Variants in FHOD3 observed in about 807,000 individuals in gnomAD.
FHOD3 encodes formin homology 2 domain containing 3, also known as FH1/FH2 domain-containing protein 3.
In FHOD3, 90 loss-of-function variants were observed where a neutral mutation model predicts 173.0. The ratio of observed to expected loss-of-function variants is 0.52; its 90% confidence interval spans 0.44 to 0.62. The LOEUF (loss-of-function observed/expected upper bound fraction) is 0.62. Among genes scored for constraint, FHOD3 ranks in the 20% least tolerant of loss-of-function variants. The pLI is 0.00. For synonymous variants in FHOD3, 828 were observed against 823.0 expected (o/e 1.01, Z -0.10); for missense variants, 1,945 against 2,034.7 (o/e 0.96, Z 0.85).
intron 3 of FHOD3, among the ~76,000 whole-genome samples, chr18:36,464,956 A>T (rs1195301722): frequency 6.6e-6 from 1 of 152,158 alleles, no homozygotes. Context: ...CACGCAGGCA[A>T]ACTGCCATGG....
chr18:36,356,631 A>G (rs2046373688), intron 2 of FHOD3, among the ~76,000 whole-genome samples: 1 of 148,966 alleles, frequency 6.7e-6, no homozygotes, highest in Admixed American at 6.7e-5. Flanking sequence ...AGCTAATTTT[A>G]TATATATATA....
rs564185922 is a variant in FHOD3 at position 36,715,216 on chromosome 18, T to C, written c.2534-2616T>C. ...ATGGGAGGGACCAGGTGAAAATAAT[T>C]GAATCATGGGCGTGGTTTCCCCCAT... On this transcript the variant is annotated intron_variant, in intron 18 of 28. Coordinates refer to ENST00000590592, the MANE Select transcript of FHOD3 (RefSeq NM_001281740.3). 3.3e-4 allele frequency among the ~76,000 whole-genome samples: 50 copies of C among 152,310 alleles called. No individual in the cohort carries two copies. The South Asian group carries it at 1.0e-2, about 30-fold the overall frequency.
chr18:36,320,656 C>A (rs1336528426), intron 1 of FHOD3, among the ~76,000 whole-genome samples: 1 of 152,184 alleles, frequency 6.6e-6, no homozygotes, highest in Non-Finnish European at 1.5e-5. Context: ...ATCCTGATAC[C>A]AAAGCCTGGC....
At chr18:36,720,985 G>A (rs909232553) in intron 19 of FHOD3, among the ~76,000 whole-genome samples, 2 of 152,088 alleles carry the variant, frequency 1.3e-5, no homozygotes, top group African/African-American at 4.8e-5. Context: ...CCTCGAGAAG[G>A]CCCAAAATTA....
At chr18:36,582,426 A>C (rs747988650) in intron 6 of FHOD3, among the ~76,000 whole-genome samples, 1 of 152,166 alleles carries the variant, frequency 6.6e-6, no homozygotes, top group East Asian at 1.9e-4. Context: ...CCCATTCCTC[A>C]TACTTCTAGA....
intron 4 of FHOD3, among the ~76,000 whole-genome samples, chr18:36,508,031 C>A (rs1223804653): frequency 1.3e-5 from 2 of 152,010 alleles, no homozygotes; most frequent in African/African-American, 4.8e-5. Flanking sequence ...TAAAATATAC[C>A]CTAAGAACAA....
intron 5 of FHOD3, among the ~76,000 whole-genome samples, chr18:36,551,325 A>G (rs530699669): frequency 9.2e-4 from 140 of 152,114 alleles, no homozygotes; most frequent in Middle Eastern, 3.4e-3. Flanking sequence ...AGATTGGTGT[A>G]TAGTTTTCTT....
chr18:36,715,751 C>G (rs2040414825), intron 18 of FHOD3, among the ~76,000 whole-genome samples: 1 of 152,114 alleles, frequency 6.6e-6, no homozygotes, highest in Admixed American at 6.5e-5. Flanking sequence ...AAAAATAAAG[C>G]AGGAAAGGAT....
chr18:36,476,417 G>C (rs2053578110), intron 3 of FHOD3, among the ~76,000 whole-genome samples: 1 of 152,206 alleles, frequency 6.6e-6, no homozygotes, highest in South Asian at 2.1e-4. Context: ...CTGTTAGGCT[G>C]CACCAGGCGA....
At chr18:36,566,915 C>A (rs570153661) in intron 5 of FHOD3, among the ~76,000 whole-genome samples, 2 of 152,148 alleles carry the variant, frequency 1.3e-5, no homozygotes, top group Admixed American at 1.3e-4. Context: ...ACAATATTTC[C>A]CTTAATAAGT....
intron 3 of FHOD3, among the ~76,000 whole-genome samples, chr18:36,387,028 T>C (rs1301738617): frequency 6.6e-6 from 1 of 152,216 alleles, no homozygotes; most frequent in East Asian, 1.9e-4. Flanking sequence ...TTGGAATATC[T>C]ATTTTTCTTT....
intron 3 of FHOD3, among the ~76,000 whole-genome samples, chr18:36,430,161 G>A (rs1263096281): frequency 6.6e-6 from 1 of 152,208 alleles, no homozygotes; most frequent in Non-Finnish European, 1.5e-5. Flanking sequence ...CTAAATTACA[G>A]GTTATTTCAT....
intron 14 of FHOD3, among the ~76,000 whole-genome samples, chr18:36,669,225 C>G (rs1292051874): frequency 6.6e-6 from 1 of 151,750 alleles, no homozygotes; most frequent in Non-Finnish European, 1.5e-5. Flanking sequence ...TACCTGGTAA[C>G]ATACTTGATT....
intron 20 of FHOD3, among the ~76,000 whole-genome samples, chr18:36,738,413 A>G (rs2041746190): frequency 6.6e-6 from 1 of 152,244 alleles, no homozygotes; most frequent in South Asian, 2.1e-4. Context: ...CTTGTCCTCT[A>G]TTCTCTAACA....
At chr18:36,630,645 A>C (rs2034447460) in intron 10 of FHOD3, among the ~76,000 whole-genome samples, 1 of 152,212 alleles carries the variant, frequency 6.6e-6, no homozygotes, top group African/African-American at 2.4e-5. Context: ...GGCTTCACGA[A>C]CCTGTTCAGA....
chr18:36,338,325 C>T (rs185409480), intron 1 of FHOD3, among the ~76,000 whole-genome samples: 1 of 152,188 alleles, frequency 6.6e-6, no homozygotes, highest in Non-Finnish European at 1.5e-5. Context: ...CTGCTCAGCT[C>T]AGCCTCCCTG....
intron 5 of FHOD3, among the ~76,000 whole-genome samples, chr18:36,572,641 T>G (rs2058493032): frequency 6.6e-6 from 1 of 152,294 alleles, no homozygotes; most frequent in South Asian, 2.1e-4. Flanking sequence ...ACAGATCAAG[T>G]CAGCTTTTAA....
At chr18:36,395,493 C>T (rs1290930039) in intron 3 of FHOD3, among the ~76,000 whole-genome samples, 2 of 152,182 alleles carry the variant, frequency 1.3e-5, no homozygotes, top group Non-Finnish European at 2.9e-5. Context: ...AACTCATTCT[C>T]GAGTTGGGGA....
intron 3 of FHOD3, among the ~76,000 whole-genome samples, chr18:36,477,050 G>A (rs1456910481): frequency 6.6e-6 from 1 of 152,200 alleles, no homozygotes; most frequent in African/African-American, 2.4e-5. Flanking sequence ...GACCATGTGG[G>A]CAGGAGTTAT....
Sources: allele counts gnomAD v4.1 joint callset (sites outside exome capture counted in the v4.1 genomes callset), GRCh38; gene constraint gnomAD v4.1.1; transcripts MANE v1.5; gene names NCBI Gene and HGNC (gene_info 2026-07-23, HGNC 2026-07-21).